Variants in ZNF600 observed in about 807,000 individuals in gnomAD.
ZNF600 encodes zinc finger protein 600, also known as zinc finger protein KR-ZNF1.
ZNF600 carries 4 observed loss-of-function variants against 7.3 expected under a neutral mutation model. That is an observed-to-expected ratio of 0.55 (90% CI 0.27 to 1.25). The LOEUF is 1.25. Ranked by LOEUF, ZNF600 falls within the 50% of genes most tolerant of loss-of-function variation. The pLI is 0.12. For synonymous variants in ZNF600, 290 were observed against 308.9 expected (o/e 0.94, Z 0.64); for missense variants, 911 against 922.1 (o/e 0.99, Z 0.16).
the ZNF600 span, chr19:52,798,249 C>G: frequency 5.5e-6 from 1 of 180,540 alleles, no homozygotes; most frequent in Non-Finnish European, 1.2e-5. Flanking sequence ...ACCTACCAGT[C>G]TTGGCCTCTC....
chr19:52,788,793 T>C (rs544332871), upstream of ZNF600, among the ~76,000 whole-genome samples: 1 of 152,300 alleles, frequency 6.6e-6, no homozygotes, highest in East Asian at 1.9e-4. Flanking sequence ...TGGAGACAGA[T>C]GAGAATCACC....
In ZNF600 at chr19:52,767,299, G is replaced by GT. The variant is rs1568625309; in HGVS notation, c.663dup (p.Gln222ThrfsTer13). On this transcript the variant is annotated frameshift_variant, in exon 4 of 4. Transcript: ENST00000648973. LOFTEE classifies it low-confidence loss of function (END_TRUNC). ...GATTTTTCTCTCATGTATACTTCCT[G>GT]TTTTTGTGGGAGTAGTGAAGAATTC... The GT allele has an allele frequency of 1.9e-6, 3 of 1,614,116 alleles. No individual in the cohort carries two copies. The highest frequency in any genetic ancestry group is 1.7e-6 in the Non-Finnish European group (2 of 1,180,012).
upstream of ZNF600, among the ~76,000 whole-genome samples, chr19:52,786,978 T>C (rs2062770034): frequency 6.6e-6 from 1 of 152,232 alleles, no homozygotes; most frequent in African/African-American, 2.4e-5. Context: ...GGCTGAGGCA[T>C]GATTCAAAAG....
At chr19:52,820,340 ATC>A in the ZNF600 span, among the ~76,000 whole-genome samples, 1 of 131,584 alleles carries the variant, frequency 7.6e-6, no homozygotes, top group Non-Finnish European at 1.6e-5. Context: ...GATGGTCTCG[ATC>A]TCCTGACCTC....
chr19:52,810,485 G>A, the ZNF600 span: 3 of 1,586,974 alleles, frequency 1.9e-6, no homozygotes, highest in Non-Finnish European at 2.6e-6. Context: ...CTTGGCCTTG[G>A]ATGAGTCCCT....
chr19:52,770,253 A>C (rs2062620529), intron 3 of ZNF600, among the ~76,000 whole-genome samples: 1 of 152,122 alleles, frequency 6.6e-6, no homozygotes, highest in Admixed American at 6.6e-5. Flanking sequence ...CAGCCTGGCC[A>C]ACATGGGGAA....
chr19:52,822,513 C>T, the ZNF600 span, among the ~76,000 whole-genome samples: 1 of 152,078 alleles, frequency 6.6e-6, no homozygotes, highest in Non-Finnish European at 1.5e-5. Flanking sequence ...AGCCTTAGAC[C>T]AGAATGTGTT....
the ZNF600 span, chr19:52,801,515 T>G: frequency 6.2e-7 from 1 of 1,614,174 alleles, no homozygotes. Context: ...TCATGGGTGC[T>G]GCATGGTCAT....
chr19:52,813,249 G>GAAAAAAAAAAAAAAAAAAAAAAAA, the ZNF600 span, among the ~76,000 whole-genome samples: 3 of 62,984 alleles, frequency 4.8e-5, no homozygotes, highest in African/African-American at 1.8e-4. Flanking sequence ...CTTGAATGGT[G>GAAAAAAAAAAAAAAAAAAAAAAAA]AAAAAAAAAA....
the ZNF600 span, chr19:52,809,933 G>A: frequency 2.2e-5 from 19 of 861,062 alleles, no homozygotes; most frequent in African/African-American, 5.0e-5. Context: ...GGGAGGCCGG[G>A]GAGGTTGCCC....
At chr19:52,784,037 T>TGCAC (rs1011994707) in intron 1 of ZNF600, among the ~76,000 whole-genome samples, 1 of 152,034 alleles carries the variant, frequency 6.6e-6, no homozygotes, top group East Asian at 1.9e-4. Context: ...ATCGTGCCAG[T>TGCAC]GCACTCCAGC....
chr19:52,766,791 C>A lies in ZNF600; in HGVS notation c.1172G>T (p.Arg391Ile), dbSNP rs745558368. The A allele has an allele frequency of 3.1e-6, 5 of 1,614,004 alleles. No individual in the cohort carries two copies. The South Asian group carries it at 3.3e-5, about 11-fold the overall frequency. ...GTATGGTTTCTCTCCAGTATGAATT[C>A]TCTTATGTGACTCAAGGGTTGATTT... Residue 391 changes from arginine (R) to isoleucine (I), a missense_variant, in exon 4 of 4, where the codon AGA (arginine) becomes ATA (isoleucine). Coordinates refer to ENST00000648973, the Ensembl canonical transcript of ZNF600.
chr19:52,778,219 G>A (rs2062692436), intron 2 of ZNF600, among the ~76,000 whole-genome samples: 1 of 151,786 alleles, frequency 6.6e-6, no homozygotes, highest in Non-Finnish European at 1.5e-5. Context: ...TCACCATGTT[G>A]GCCAGGCTGG....
chr19:52,795,166 A>G, the ZNF600 span, among the ~76,000 whole-genome samples: 9 of 152,326 alleles, frequency 5.9e-5, no homozygotes, highest in Middle Eastern at 3.4e-3. Flanking sequence ...TATGGACCAG[A>G]GGAACTTGAA....
At chr19:52,765,472 G>T in exon 4 of ZNF600, 3 of 1,460,150 alleles carry the variant, frequency 2.1e-6, no homozygotes, top group South Asian at 2.3e-5. Flanking sequence ...ATGTATGAAT[G>T]ATGTCTGAAA....
the ZNF600 span, chr19:52,807,735 A>G: frequency 1.9e-6 from 1 of 514,854 alleles, no homozygotes; most frequent in Non-Finnish European, 3.3e-6. Flanking sequence ...TTGGCCTCCC[A>G]AGGTGCTGGG....
At chr19:52,768,612 C>G (rs2062607928) in intron 3 of ZNF600, among the ~76,000 whole-genome samples, 1 of 151,774 alleles carries the variant, frequency 6.6e-6, no homozygotes, top group Admixed American at 6.6e-5. Context: ...ATGGCATGAT[C>G]TCAGCTCACT....
At chr19:52,830,987 A>G in the ZNF600 span, among the ~76,000 whole-genome samples, 28,609 of 142,458 alleles carry the variant, frequency 0.2, 3,393 homozygotes, top group South Asian at 0.31. Flanking sequence ...ATTACAATAC[A>G]GGCAAGGGAC....
At chr19:52,793,247 C>T in the ZNF600 span, among the ~76,000 whole-genome samples, 2 of 152,186 alleles carry the variant, frequency 1.3e-5, no homozygotes, top group Non-Finnish European at 2.9e-5. Context: ...TTAAGCTGTG[C>T]CCCGTCCACC....
Sources: gnomAD v4.1 joint callset for allele counts (sites outside exome capture counted in the v4.1 genomes callset) on GRCh38, gnomAD v4.1.1 for gene constraint, MANE v1.5 for transcripts, NCBI Gene and HGNC (gene_info 2026-07-23, HGNC 2026-07-21) for gene names.